Variants in KCNMB2 observed in about 807,000 individuals in gnomAD.
KCNMB2 encodes the protein calcium-activated potassium channel subunit beta-2.
A neutral mutation model predicts 24.5 loss-of-function variants in KCNMB2; 9 were observed. The observed-to-expected ratio is 0.37, with a 90% CI of 0.22 to 0.64. KCNMB2 has a LOEUF of 0.64. KCNMB2 is among the 30% of genes least tolerant of loss of function. The pLI, the probability that KCNMB2 is intolerant of heterozygous loss-of-function variation, is 0.63. For synonymous variants in KCNMB2, 109 were observed against 104.4 expected, an observed-to-expected ratio of 1.04 and a Z score of -0.27; for missense variants, 226 against 284.3, an observed-to-expected ratio of 0.79 and a Z score of 1.47.
intron 1 of KCNMB2, among the ~76,000 whole-genome samples, chr3:178,792,516 T>G (rs113172520): frequency 3.9e-5 from 6 of 151,968 alleles, no homozygotes; most frequent in African/African-American, 1.4e-4. Context: ...AAGAGAAGAC[T>G]GCAAAACAAC....
rs1311824785 is a variant in KCNMB2, at chr3:178,715,722, C to CA, written c.-67-91620dup. Among the ~76,000 whole-genome samples, 3 of 152,314 alleles carry CA rather than the reference C, an allele frequency of 2.0e-5. No individual in the cohort carries two copies. The East Asian group carries it at 5.8e-4, about 29-fold the overall frequency. On this transcript the variant is annotated intron_variant, in intron 1 of 4. Coordinates refer to ENST00000452583, the MANE Select transcript of KCNMB2 (RefSeq NM_181361.3). ...GTGATTATTTACTAAACACTATATGCAGTTGGCATTTGTCAAGTACTCTGT... is the reference window on the plus strand; with the variant it reads ...GTGATTATTTACTAAACACTATATGCAAGTTGGCATTTGTCAAGTACTCTGT...
At chr3:178,689,730 A>G (rs1721601621) in intron 1 of KCNMB2, among the ~76,000 whole-genome samples, 1 of 152,220 alleles carries the variant, frequency 6.6e-6, no homozygotes, top group Non-Finnish European at 1.5e-5. Flanking sequence ...TCCTTTCTCT[A>G]GAAAAGAAAA....
At chr3:178,744,119 A>T (rs1723583862) in intron 1 of KCNMB2, among the ~76,000 whole-genome samples, 1 of 152,234 alleles carries the variant, frequency 6.6e-6, no homozygotes, top group Admixed American at 6.5e-5. Context: ...AATGTCTATG[A>T]TCAGGGTGAA....
intron 1 of KCNMB2, among the ~76,000 whole-genome samples, chr3:178,581,954 A>C (rs1182045257): frequency 6.6e-6 from 1 of 152,208 alleles, no homozygotes; most frequent in Non-Finnish European, 1.5e-5. Flanking sequence ...ACAGTGTGGC[A>C]GTTAGTCAAG....
chr3:178,563,176 T>G (rs904345596), intron 1 of KCNMB2, among the ~76,000 whole-genome samples: 1 of 152,218 alleles, frequency 6.6e-6, no homozygotes, highest in African/African-American at 2.4e-5. Flanking sequence ...TGAAGGTTGC[T>G]ATACAGATGA....
At chr3:178,776,741 G>A (rs1712594536) in intron 1 of KCNMB2, among the ~76,000 whole-genome samples, 1 of 152,206 alleles carries the variant, frequency 6.6e-6, no homozygotes, top group South Asian at 2.1e-4. Context: ...AAAAGGAGGT[G>A]ATAGTTTTGC....
intron 1 of KCNMB2, among the ~76,000 whole-genome samples, chr3:178,556,243 G>T (rs904189644): frequency 3.9e-5 from 6 of 152,284 alleles, no homozygotes; most frequent in Admixed American, 3.3e-4. Flanking sequence ...TTACAACTCA[G>T]GGAAGAGATG....
At chr3:178,754,173 T>C (rs1171527234) in intron 1 of KCNMB2, among the ~76,000 whole-genome samples, 124 of 89,820 alleles carry the variant, frequency 1.4e-3, no homozygotes, top group African/African-American at 7.7e-3. Context: ...TATATATATA[T>C]ATATACACAC....
At chr3:178,703,811 T>C (rs1722186926) in intron 1 of KCNMB2, among the ~76,000 whole-genome samples, 1 of 152,198 alleles carries the variant, frequency 6.6e-6, no homozygotes, top group Admixed American at 6.5e-5. Context: ...CCAATCTCTT[T>C]CTAAACAGTG....
At chr3:178,754,165 T>TATATAG (rs1723944739) in intron 1 of KCNMB2, among the ~76,000 whole-genome samples, 1 of 89,532 alleles carries the variant, frequency 1.1e-5, no homozygotes, top group Admixed American at 1.1e-4. Flanking sequence ...TATATATATA[T>TATATAG]ATATATATAT....
rs1159139202 is a variant in KCNMB2 at position 178,758,043 on chromosome 3, T to TCC, written c.-67-49300_-67-49299insCC. Among the ~76,000 whole-genome samples, 58 of 6,898 alleles carry TCC rather than the reference T, an allele frequency of 8.4e-3. 9 individuals carry two copies. The highest frequency in any genetic ancestry group is 0.029 in the South Asian group (3 of 104). 4.5% of individuals were successfully genotyped at this position (6,898 alleles called of 152,430 possible). ...TATCTAGAGGATATATATATATATCTAGATATATATATATATCTCCAAGAG... is the reference window on the plus strand; with the variant it reads ...TATCTAGAGGATATATATATATATCTCCAGATATATATATATATCTCCAAGAG... On this transcript the variant is annotated intron_variant, in intron 1 of 4. Transcript: ENST00000452583.
chr3:178,566,563 C>G (rs567295160), intron 1 of KCNMB2, among the ~76,000 whole-genome samples: 1 of 149,302 alleles, frequency 6.7e-6, no homozygotes, highest in Non-Finnish European at 1.5e-5. Flanking sequence ...GTCTACCTAG[C>G]CATTACATCC....
intron 1 of KCNMB2, among the ~76,000 whole-genome samples, chr3:178,586,538 CTTTTTTTTTTT>C (rs10677144): frequency 5.8e-5 from 4 of 68,500 alleles, no homozygotes; most frequent in African/African-American, 1.1e-4. Flanking sequence ...TTTTTTCTTT[CTTTTTTTTTTT>C]TTTTTTTTTT....
At chr3:178,663,192 C>T (rs1720595581) in intron 1 of KCNMB2, among the ~76,000 whole-genome samples, 1 of 152,042 alleles carries the variant, frequency 6.6e-6, no homozygotes, top group Middle Eastern at 3.2e-3. Flanking sequence ...AAGGGCAAGC[C>T]TCAGTGAATA....
At chr3:178,823,618 C>T (rs1714719283) in intron 2 of KCNMB2, among the ~76,000 whole-genome samples, 2 of 152,154 alleles carry the variant, frequency 1.3e-5, no homozygotes, top group East Asian at 3.8e-4. Flanking sequence ...TACATACACA[C>T]TCCATCACCT....
chr3:178,818,107 C>CT (rs1202298984), intron 2 of KCNMB2, among the ~76,000 whole-genome samples: 1 of 152,192 alleles, frequency 6.6e-6, no homozygotes, highest in Non-Finnish European at 1.5e-5. Context: ...CATCATGTAT[C>CT]TGATAGCTTC....
intron 1 of KCNMB2, among the ~76,000 whole-genome samples, chr3:178,565,165 A>G (rs188260215): frequency 5.3e-5 from 8 of 152,200 alleles, no homozygotes; most frequent in Admixed American, 6.5e-5. Flanking sequence ...AACAGTAGTT[A>G]CATCTAGAGA....
intron 1 of KCNMB2, among the ~76,000 whole-genome samples, chr3:178,563,220 C>T (rs1167891642): frequency 6.6e-6 from 1 of 152,126 alleles, no homozygotes. Flanking sequence ...TCTTTAGGGG[C>T]TAAACCAGAA....
At chr3:178,650,814 G>A (rs543746923) in intron 1 of KCNMB2, among the ~76,000 whole-genome samples, 23 of 152,042 alleles carry the variant, frequency 1.5e-4, no homozygotes, top group Admixed American at 4.6e-4. Context: ...AAAACCACAC[G>A]ATTATCTCAA....
Sources: allele counts gnomAD v4.1 joint callset (sites outside exome capture counted in the v4.1 genomes callset), GRCh38; gene constraint gnomAD v4.1.1; transcripts MANE v1.5; gene names NCBI Gene and HGNC (gene_info 2026-07-23, HGNC 2026-07-21).